Variants in ACAD11 observed in about 807,000 individuals in gnomAD.
The protein encoded by ACAD11 is acyl-Coenzyme A dehydrogenase family, member 11.
A neutral mutation model predicts 102.2 loss-of-function variants in ACAD11; 83 were observed. The observed-to-expected ratio is 0.81, with a 90% confidence interval of 0.68 to 0.97. The LOEUF (loss-of-function observed/expected upper bound fraction) is 0.97. Among genes scored for constraint, ACAD11 ranks in the 50% least tolerant of loss-of-function variants. ACAD11 has a pLI of 0.00. For missense variants in ACAD11, 901 were observed against 951.7 expected (o/e 0.95, Z 0.70); for synonymous variants, 324 against 319.8 (o/e 1.01, Z -0.14).
intron 5 of ACAD11, among the ~76,000 whole-genome samples, chr3:132,634,310 C>T (rs1462041549): frequency 1.3e-5 from 2 of 152,204 alleles, no homozygotes; most frequent in Admixed American, 6.5e-5. Context: ...AAAAAATGCT[C>T]ATCATCACTG....
chr3:132,628,597 G>T (rs1049004088), intron 7 of ACAD11, 151 bp from the exon 8 acceptor site: 3 of 538,210 alleles, frequency 5.6e-6, no homozygotes, highest in Non-Finnish European at 9.8e-6. Context: ...GTACATGCAG[G>T]GGTAATTACA....
chr3:132,620,911 C>A (rs1443631776), intron 9 of ACAD11, among the ~76,000 whole-genome samples: 1 of 152,096 alleles, frequency 6.6e-6, no homozygotes, highest in Non-Finnish European at 1.5e-5. Context: ...AACAGTTACT[C>A]TGTGGATGTT....
intron 1 of ACAD11, chr3:132,654,670 G>A (rs1226281682): frequency 6.6e-6 from 1 of 152,240 alleles, no homozygotes; most frequent in Non-Finnish European, 1.5e-5. Context: ...CCCACCACCA[G>A]GTCAGTGGGC....
chr3:132,622,210 A>G (rs1416028826), intron 9 of ACAD11, among the ~76,000 whole-genome samples: 1 of 152,314 alleles, frequency 6.6e-6, no homozygotes, highest in East Asian at 1.9e-4. Flanking sequence ...TTACACTCAT[A>G]TAACAATGTA....
intron 1 of ACAD11, chr3:132,648,522 T>C (rs1049123326): frequency 2.0e-4 from 30 of 151,390 alleles, no homozygotes; most frequent in African/African-American, 7.0e-4. Flanking sequence ...GAAATTCCTA[T>C]AGGAATTTTT....
intron 14 of ACAD11, 161 bp from the exon 15 acceptor site, chr3:132,579,042 GAT>G (rs764157957): frequency 1.3e-6 from 2 of 1,512,844 alleles, no homozygotes; most frequent in Non-Finnish European, 1.8e-6. Flanking sequence ...AACATAGTCT[GAT>G]GCAGGCTGTG....
chr3:132,655,325 G>C (rs1377584934), intron 1 of ACAD11, among the ~76,000 whole-genome samples: 1 of 152,092 alleles, frequency 6.6e-6, no homozygotes, highest in East Asian at 1.9e-4. Flanking sequence ...GTTGTTGTTT[G>C]TTTGTTTGTT....
chr3:132,587,884 T>C (rs192892051), intron 13 of ACAD11, among the ~76,000 whole-genome samples: 1 of 152,270 alleles, frequency 6.6e-6, no homozygotes, highest in African/African-American at 2.4e-5. Flanking sequence ...CATTCAGGAG[T>C]TAGCCAGAGA....
In ACAD11 at chr3:132,560,255, C is replaced by T. The variant is rs1057079354; in HGVS notation, c.2119-313G>A. ...CATAAAAATAGTCCAAGGGTCTTTG[C>T]GCTATTAATCAGGTTTCTTTTAGCA... On this transcript the variant is annotated intron_variant, in intron 18 of 19. Coordinates refer to ENST00000264990, the MANE Select transcript of ACAD11 (RefSeq NM_032169.5). 5.3e-5 allele frequency among the ~76,000 whole-genome samples: 8 copies of T among 152,226 alleles called. No individual in the cohort carries two copies. In the South Asian group the frequency reaches 1.7e-3, roughly 32 times the overall value.
intron 13 of ACAD11, among the ~76,000 whole-genome samples, chr3:132,586,689 A>G: frequency 6.6e-6 from 1 of 152,358 alleles, no homozygotes; most frequent in Middle Eastern, 3.4e-3. Flanking sequence ...AAAATAAGAA[A>G]CTATTATACT....
At chr3:132,593,766 G>A (rs140256123) in intron 13 of ACAD11, among the ~76,000 whole-genome samples, 2 of 152,272 alleles carry the variant, frequency 1.3e-5, no homozygotes, top group Non-Finnish European at 2.9e-5. Context: ...GAGGGTGTGG[G>A]GAGAGAGATT....
intron 13 of ACAD11, among the ~76,000 whole-genome samples, chr3:132,586,164 A>T (rs1252074316): frequency 1.3e-5 from 2 of 152,238 alleles, no homozygotes; most frequent in South Asian, 2.1e-4. Context: ...CACAGCCATA[A>T]AAAATGATGA....
chr3:132,656,063 G>A (rs1363467473), intron 1 of ACAD11, among the ~76,000 whole-genome samples: 1 of 152,056 alleles, frequency 6.6e-6, no homozygotes, highest in East Asian at 1.9e-4. Context: ...CTACCATTCT[G>A]AATTTTATAT....
In ACAD11 at chr3:132,659,662, GT is replaced by G; in HGVS notation, c.89del (p.Asn30ThrfsTer15). 6.2e-7 allele frequency: 1 copy of G among 1,611,690 alleles called. No homozygotes were observed. The highest frequency in any genetic ancestry group is 8.5e-7 in the Non-Finnish European group (1 of 1,178,928). ...FDSKSLEAYL[N>X]QHLSGFGAER... is the part of the protein sequence containing the mutation. Reference sequence around the variant, plus strand: ...CGGCCCCAAAGCCAGACAAGTGCTGGTTTAGGTAGGCCTCCAGGGACTTGCT... The same window carrying G: ...CGGCCCCAAAGCCAGACAAGTGCTGGTTAGGTAGGCCTCCAGGGACTTGCT... On this transcript the variant is annotated frameshift_variant, in exon 1 of 20. Transcript: ENST00000264990. LOFTEE classifies it high-confidence loss of function.
intron 17 of ACAD11, among the ~76,000 whole-genome samples, chr3:132,569,602 CTG>C (rs972397989): frequency 1.3e-5 from 2 of 152,178 alleles, no homozygotes; most frequent in African/African-American, 4.8e-5. Context: ...GTTAAACAAA[CTG>C]TAGTATATCC....
intron 17 of ACAD11, among the ~76,000 whole-genome samples, chr3:132,568,801 C>CA (rs755568917): frequency 0.031 from 2,116 of 68,484 alleles, 267 homozygotes; most frequent in African/African-American, 0.044. Context: ...CATCCACAGG[C>CA]AAAAAAAAAA....
At chr3:132,559,262 A>G (rs1299011079) in intron 19 of ACAD11, among the ~76,000 whole-genome samples, 177 bp from the exon 20 acceptor site, 1 of 152,154 alleles carries the variant, frequency 6.6e-6, no homozygotes, top group Non-Finnish European at 1.5e-5. Context: ...ATGCCATCTT[A>G]AAGTTTCCAA....
chr3:132,642,066 G>T lies in ACAD11; in HGVS notation c.443C>A (p.Ala148Asp). Residue 148 changes from alanine to aspartate, a missense_variant, in exon 4 of 20, where the codon GCC (alanine) becomes GAC (aspartate). Physicochemically the swap from Ala to Asp is moderately radical, Grantham distance 126. Coordinates refer to ENST00000264990, the MANE Select transcript of ACAD11 (RefSeq NM_032169.5). ...TAACTGAGCCAATGTTTCTACCGTG[G>T]CCACATATATGGCTGAACGTTCTGC... is the stretch of plus-strand genomic sequence containing the variant. ...SPAERSAIYV[A>D]TVETLAQLHS... The T allele has an allele frequency of 6.2e-7, 1 of 1,613,990 alleles. No individual in the cohort carries two copies. The highest frequency in any genetic ancestry group is 1.1e-5 in the South Asian group (1 of 91,080).
chr3:132,559,045 C>G lies in ACAD11; in HGVS notation c.2269G>C (p.Asp757His), dbSNP rs1936968432. The change falls in exon 20 of 20, where the codon GAC becomes CAC. Residue 757 changes from aspartate to histidine, a missense_variant. Coordinates refer to ENST00000264990, the MANE Select transcript of ACAD11 (RefSeq NM_032169.5). ...TRVLRLADGP[D>H]EVHLSAIATM... Reference sequence around the variant, plus strand: ...GCGATTGCTGAAAGATGAACTTCGTCAGGTCCATCTGCTAAACGCAAAACT... The same window carrying G: ...GCGATTGCTGAAAGATGAACTTCGTGAGGTCCATCTGCTAAACGCAAAACT... 6.2e-7 allele frequency: 1 copy of G among 1,613,668 alleles called. No individual in the cohort carries two copies. Among genetic ancestry groups the G allele is most frequent in the African/African-American group, 1.3e-5 (1 of 74,912 alleles).
Sources: gnomAD v4.1 joint callset for allele counts (sites outside exome capture counted in the v4.1 genomes callset) on GRCh38, gnomAD v4.1.1 for gene constraint, MANE v1.5 for transcripts, NCBI Gene and HGNC (gene_info 2026-07-23, HGNC 2026-07-21) for gene names.